RSKR: variants seen among roughly 807,000 people sequenced by gnomAD.
RSKR encodes the protein ribosomal protein S6 kinase related, also known as ribosomal protein S6 kinase-related protein.
RSKR carries 44 observed loss-of-function variants against 56.8 expected under a neutral mutation model. The observed-to-expected ratio is 0.77, with a 90% CI of 0.61 to 1.00. The LOEUF (loss-of-function observed/expected upper bound fraction) is 1.00, where lower values mean the gene tolerates loss of function less well. Among genes scored for constraint, RSKR ranks in the 50% least tolerant of loss-of-function variants. The pLI is 0.00. For synonymous variants in RSKR, 181 were observed against 188.0 expected, an observed-to-expected ratio of 0.96 and a Z score of 0.30; for missense variants, 510 against 506.9, an observed-to-expected ratio of 1.01 and a Z score of -0.06.
In RSKR at chr17:28,609,591, T is replaced by C. The variant is rs1363616778; in HGVS notation, c.*887A>G. Reference sequence around the variant, plus strand: ...AAGCTCCCAGACTATATTTTTTAGCTGCATTATTTAGGGGTTGAAATGCCA... The same window carrying C: ...AAGCTCCCAGACTATATTTTTTAGCCGCATTATTTAGGGGTTGAAATGCCA... On this transcript the variant is annotated 3_prime_UTR_variant, in exon 12 of 12. Transcript: ENST00000301037. The C allele has an allele frequency of 6.6e-6, 1 of 152,084 alleles. No individual in the cohort carries two copies. The highest frequency in any genetic ancestry group is 1.5e-5 in the Non-Finnish European group (1 of 68,012). 9.4% of individuals were successfully genotyped at this position (152,084 alleles called of 1,614,324 possible). A position where few individuals can be genotyped will look rare whatever the true frequency, so the allele number is the denominator to read the frequency against.
chr17:28,610,201 T>G lies in RSKR; in HGVS notation c.*277A>C. 2.6e-6 allele frequency: 1 copy of G among 385,728 alleles called. No homozygotes were observed. Among genetic ancestry groups the G allele is most frequent in the Non-Finnish European group, 4.7e-6 (1 of 210,716 alleles). 23.9% of individuals were successfully genotyped at this position (385,728 alleles called of 1,614,324 possible). On this transcript the variant is annotated 3_prime_UTR_variant, in exon 12 of 12. Transcript: ENST00000301037. The stretch of plus-strand genomic sequence containing the variant: ...GCAGCTCTGGCTGACAGCCTGAGGG[T>G]AAAGAGCACTGGAGAAGTAAAGAAA...
rs2151529348 is a variant in RSKR, at chr17:28,609,715, G to A, written c.*763C>T. 1 of 142,772 alleles carries A rather than the reference G, an allele frequency of 7.0e-6. No individual in the cohort carries two copies. The highest frequency in any genetic ancestry group is 2.1e-4 in the East Asian group (1 of 4,830). The allele number at this position is 142,772 out of a possible 1,614,324, so 8.8% of individuals were successfully genotyped here. A position where few individuals can be genotyped will look rare whatever the true frequency, so the allele number is the denominator to read the frequency against. ...ATCGTGCCACTGCACTCCAACCTGG[G>A]TGACGAGAGTGAGACCCTATCTCAA... On this transcript the variant is annotated 3_prime_UTR_variant, in exon 12 of 12. Transcript: ENST00000301037.
chr17:28,611,069 A>G (rs946006710), intron 11 of RSKR, 74 bp downstream of exon 11: 7 of 1,355,246 alleles, frequency 5.2e-6, no homozygotes, highest in Admixed American at 4.1e-5. Flanking sequence ...AGGAATGGGG[A>G]AAAATCACTT....
chr17:28,611,452 T>C lies in RSKR; in HGVS notation c.841A>G (p.Asn281Asp). The C allele has an allele frequency of 6.2e-7, 1 of 1,606,332 alleles. No homozygotes were observed. Among genetic ancestry groups the C allele is most frequent in the South Asian group, 1.1e-5 (1 of 90,870 alleles). ...AGGGACCACCAATCAGCAGCATGGT[T>C]GTAAGGTCCTCCACTTAGGACCTCT... ...APEVLSGGPYNHAADWWSLGV... is the reference protein window; with the variant it reads ...APEVLSGGPYDHAADWWSLGV... The change falls in exon 10 of 12, where the codon AAC (asparagine) becomes GAC (aspartate). Residue 281 changes from asparagine to aspartate, a missense_variant. Transcript: ENST00000301037.
At chr17:28,613,416 C>G (rs755097580) in intron 2 of RSKR, 24 bp downstream of exon 2, 1 of 1,614,196 alleles carries the variant, frequency 6.2e-7, no homozygotes, top group Admixed American at 1.7e-5. Context: ...ACTGAGACCC[C>G]ACTCAGGGAT....
At position 28,610,615 on chromosome 17, in the gene RSKR, G is replaced by A. The variant is rs1246365859; in HGVS notation, c.1096C>T (p.Pro366Ser). 13 of 1,536,020 alleles carry A rather than the reference G, an allele frequency of 8.5e-6. No homozygotes were observed. The highest frequency in any genetic ancestry group is 3.9e-5 in the Admixed American group (2 of 50,982). The change falls in exon 12 of 12, where the codon CCA becomes TCA. Residue 366 changes from proline (P) to serine (S), a missense_variant. Pro to Ser is a moderately conservative substitution (Grantham distance 74). Coordinates refer to ENST00000301037, the MANE Select transcript of RSKR (RefSeq NM_001174103.2). ...ACTGGCTGCTTCTGTAGGAGCTCTG[G>A]GTCGAAGGCCACACCCCGAAAGAAA... is the stretch of plus-strand genomic sequence containing the variant. ...HPFFRGVAFDPELLQKQPVNF... is the reference protein window; with the variant it reads ...HPFFRGVAFDSELLQKQPVNF...
At chr17:28,612,981 A>C in intron 4 of RSKR, 97 bp downstream of exon 4, 2 of 1,303,412 alleles carry the variant, frequency 1.5e-6, no homozygotes, top group African/African-American at 2.9e-5. Flanking sequence ...AAGCAGATGG[A>C]TGAGGCAGAA....
At position 28,611,559 on chromosome 17, in the gene RSKR, T is replaced by A. The variant is rs767109310; in HGVS notation, c.811+8A>T. Reference sequence around the variant, plus strand: ...CAATGCTTACCCATCAGCTTTAACCTCTCTCACCCATGTACTGAAGAGTGC... The same window carrying A: ...CAATGCTTACCCATCAGCTTTAACCACTCTCACCCATGTACTGAAGAGTGC... On this transcript the variant is annotated splice_region_variant and intron_variant, in intron 9 of 11. Transcript: ENST00000301037. 1 of 1,555,170 alleles carries A rather than the reference T, an allele frequency of 6.4e-7. No homozygotes were observed. The highest frequency in any genetic ancestry group is 8.7e-7 in the Non-Finnish European group (1 of 1,153,256).
chr17:28,609,115 T>C lies in RSKR; in HGVS notation c.*1363A>G, dbSNP rs543307824. ...GTTCAATGGCACAATCTTGGCTCACTGCAACCTTGGCCTCCAGGGTTCAAG... is the reference window on the plus strand; with the variant it reads ...GTTCAATGGCACAATCTTGGCTCACCGCAACCTTGGCCTCCAGGGTTCAAG... On this transcript the variant is annotated 3_prime_UTR_variant, in exon 12 of 12. Coordinates refer to ENST00000301037, the MANE Select transcript of RSKR (RefSeq NM_001174103.2). The C allele has an allele frequency of 7.1e-6, 1 of 141,062 alleles. No homozygotes were observed. The highest frequency in any genetic ancestry group is 2.4e-4 in the South Asian group (1 of 4,114). The allele number at this position is 141,062 out of a possible 1,614,324, so 8.7% of individuals were successfully genotyped here.
Position 28,612,640 on chromosome 17 carries a change from C to G in RSKR, c.525G>C (p.Gln175His). ...PFVHSLGDSW[Q>H]GKRHLFIMCS... ...CACTAATGAAAAGGTGCCGTTTTCCCTGCCAGCTGTCCCCCAAGCTGTGTA... is the reference window on the plus strand; with the variant it reads ...CACTAATGAAAAGGTGCCGTTTTCCGTGCCAGCTGTCCCCCAAGCTGTGTA... Residue 175 changes from glutamine to histidine, a missense_variant, in exon 5 of 12, where the codon CAG becomes CAC. Gln to His is a conservative substitution (Grantham distance 24, BLOSUM62 0). Transcript: ENST00000301037. 1 of 1,614,186 alleles carries G rather than the reference C, an allele frequency of 6.2e-7. No individual in the cohort carries two copies. The highest frequency in any genetic ancestry group is 1.6e-4 in the Middle Eastern group (1 of 6,062).
At position 28,613,500 on chromosome 17, in the gene RSKR, G is replaced by C. The variant is rs1263677601; in HGVS notation, c.264C>G (p.Phe88Leu). ...KPLPEWPVPQ[F>L]INLFLPEFPI... ...GAAACTCTGGTAGAAAGAGGTTGAT[G>C]AACTGAGGCACTGGCCACTCTGGCA... Residue 88 changes from phenylalanine to leucine, a missense_variant, in exon 2 of 12, where the codon TTC becomes TTG. Phe to Leu is a conservative substitution (Grantham distance 22). Coordinates refer to ENST00000301037, the MANE Select transcript of RSKR (RefSeq NM_001174103.2). 1.2e-6 allele frequency: 2 copies of C among 1,614,060 alleles called. No homozygotes were observed. Among genetic ancestry groups the C allele is most frequent in the Admixed American group, 3.3e-5 (2 of 59,998 alleles).
At chr17:28,613,174 T>C (rs372710420) in intron 3 of RSKR, 28 bp from the exon 4 acceptor site, 62 of 1,613,390 alleles carry the variant, frequency 3.8e-5, no homozygotes, top group Non-Finnish European at 5.0e-5. Context: ...TGATGACTCA[T>C]AGATAGTGCT....
At chr17:28,613,996 A>T in intron 1 of RSKR, 91 bp downstream of exon 1, 1 of 1,510,354 alleles carries the variant, frequency 6.6e-7, no homozygotes, top group Non-Finnish European at 9.0e-7. Flanking sequence ...TTGGGTAATC[A>T]CTTCCATGCT....
chr17:28,612,016 A>T lies in RSKR; in HGVS notation c.693+28T>A, dbSNP rs193231194. 8 of 1,614,144 alleles carry T rather than the reference A, an allele frequency of 5.0e-6. No individual in the cohort carries two copies. The Admixed American group carries it at 1.0e-4, about 20-fold the overall frequency. On this transcript the variant is annotated intron_variant, in intron 7 of 11. Transcript: ENST00000301037. ...ACTTCTTATTGAGACTCTTTCTCAG[A>T]CAAAGGGAAAAAAGCACTTAACTCT...
At chr17:28,613,735 G>A (rs117413177) in intron 1 of RSKR, 47 bp from the exon 2 acceptor site, 1,311 of 1,607,192 alleles carry the variant, frequency 8.2e-4, no homozygotes, top group Non-Finnish European at 1.1e-3. Flanking sequence ...CTGAGGCATA[G>A]CAGGTTCCAC....
chr17:28,611,322 T>G, intron 10 of RSKR, 69 bp from the exon 11 acceptor site: 1 of 1,530,042 alleles, frequency 6.5e-7, no homozygotes, highest in Non-Finnish European at 8.8e-7. Flanking sequence ...CGGCAAGATT[T>G]CCTAAGGTCT....
chr17:28,613,865 TCAA>T, intron 1 of RSKR, 177 bp from the exon 2 acceptor site: 1 of 1,062,558 alleles, frequency 9.4e-7, no homozygotes, highest in Non-Finnish European at 1.3e-6. Context: ...TGGGCACAAT[TCAA>T]ATCCTCTAGG....
At position 28,614,098 on chromosome 17, in the gene RSKR, C is replaced by T; in HGVS notation, c.64G>A (p.Val22Ile). The T allele has an allele frequency of 1.2e-6, 2 of 1,613,462 alleles. No homozygotes were observed. Among genetic ancestry groups the T allele is most frequent in the Non-Finnish European group, 8.5e-7 (1 of 1,179,746 alleles). Residue 22 changes from valine to isoleucine, a missense_variant, in exon 1 of 12, where the codon GTC (valine) becomes ATC (isoleucine). Coordinates refer to ENST00000301037, the MANE Select transcript of RSKR (RefSeq NM_001174103.2). Reference sequence around the variant, plus strand: ...GCCCCACAGCCTACCTTGTGAGGGACAGCCACCCGGGTGTGTTCCCCCTGC... The same window carrying T: ...GCCCCACAGCCTACCTTGTGAGGGATAGCCACCCGGGTGTGTTCCCCCTGC... ...TQQGEHTRVA[V>I]PHKQGGNIRG... is the part of the protein sequence containing the mutation.
Position 28,610,676 on chromosome 17 carries a change from A to G in RSKR, c.1035T>C (p.His345=), listed in dbSNP as rs996756021. The change falls in exon 12 of 12, where the codon CAT becomes CAC. Residue 345 remains histidine, a synonymous_variant. Coordinates refer to ENST00000301037, the MANE Select transcript of RSKR (RefSeq NM_001174103.2). ...LHELLCQNPL[H]RLRYLHHFQV... ...GGAAGTGATGCAGATAACGTAGACG[A>G]TGGAGGGGGTTCTGGCATAAGAGCT... The G allele has an allele frequency of 2.0e-6, 3 of 1,536,122 alleles. No homozygotes were observed. In the East Asian group the frequency reaches 7.3e-5, roughly 38 times the overall value.
Sources: gnomAD v4.1 joint callset for allele counts on GRCh38, gnomAD v4.1.1 for gene constraint, MANE v1.5 for transcripts, NCBI Gene and HGNC (gene_info 2026-07-23, HGNC 2026-07-21) for gene names.